The following CSMD1 variants were observed in gnomAD, a reference collection of about 807,000 sequenced individuals.
CSMD1 encodes the protein CUB and Sushi multiple domains 1.
A neutral mutation model predicts 417.5 loss-of-function variants in CSMD1; 213 were observed. The observed-to-expected ratio is 0.51, with a 90% CI of 0.46 to 0.57. The LOEUF is 0.57. Among genes scored for constraint, CSMD1 ranks in the 20% least tolerant of loss-of-function variants. CSMD1 has a pLI of 0.00. For synonymous variants in CSMD1, 2,862 were observed against 1,736.8 expected (o/e 1.65, Z -16.11); for missense variants, 6,923 against 4,529.7 (o/e 1.53, Z -15.17).
chr8:3,569,680 A>C (rs557700492), intron 10 of CSMD1, among the ~76,000 whole-genome samples: 9 of 152,204 alleles, frequency 5.9e-5, no homozygotes, highest in Admixed American at 2.0e-4. Context: ...CACTTTCATC[A>C]ACGTGCACTT....
intron 5 of CSMD1, among the ~76,000 whole-genome samples, chr8:3,962,874 A>T (rs988501630): frequency 6.6e-6 from 1 of 152,204 alleles, no homozygotes; most frequent in Non-Finnish European, 1.5e-5. Context: ...TCAAGCTGTA[A>T]AACAACTGAA....
chr8:4,343,363 ACTGAATTTAATATTCTCTTGCTAAGAGAG>A (rs1407106781), intron 3 of CSMD1, among the ~76,000 whole-genome samples: 1 of 152,046 alleles, frequency 6.6e-6, no homozygotes, highest in Non-Finnish European at 1.5e-5. Flanking sequence ...GAACAGTGTG[ACTGAATTTAATATTCTCTTGCTAAGAGAG>A]CTGACCTTAA....
At chr8:4,567,750 C>G (rs1244603813) in intron 2 of CSMD1, among the ~76,000 whole-genome samples, 1 of 151,926 alleles carries the variant, frequency 6.6e-6, no homozygotes, top group Non-Finnish European at 1.5e-5. Flanking sequence ...CTACATTGCA[C>G]TTATATTAAA....
intron 1 of CSMD1, among the ~76,000 whole-genome samples, chr8:4,802,400 C>T (rs28469770): frequency 0.067 from 10,120 of 151,706 alleles, 556 homozygotes; most frequent in East Asian, 0.23. Flanking sequence ...GAAGCATCCC[C>T]GTGGTTAACT....
intron 5 of CSMD1, among the ~76,000 whole-genome samples, chr8:3,835,792 G>A (rs966194558): frequency 6.6e-6 from 1 of 151,380 alleles, no homozygotes; most frequent in Admixed American, 6.6e-5. Flanking sequence ...GGGTGATTGT[G>A]TGAGTTCCTA....
In CSMD1 at chr8:3,242,088, G is replaced by A. The variant is rs193106560; in HGVS notation, c.4154-11857C>T. 9.2e-3 allele frequency among the ~76,000 whole-genome samples: 1,326 copies of A among 143,440 alleles called. 11 individuals are homozygous for A. The highest frequency in any genetic ancestry group is 0.017 in the Middle Eastern group (5 of 286). 94.1% of individuals were successfully genotyped at this position (143,440 alleles called of 152,430 possible). ...AAAGAGCCTAAACACTATCTGATTT[G>A]GGATAAAGAAAAAGGAGCATTAACC... On this transcript the variant is annotated intron_variant, in intron 26 of 69. Transcript: ENST00000635120.
intron 5 of CSMD1, among the ~76,000 whole-genome samples, chr8:3,930,960 C>A (rs1258498590): frequency 6.6e-6 from 1 of 150,544 alleles, no homozygotes; most frequent in East Asian, 1.9e-4. Flanking sequence ...TAAAATACAT[C>A]AGCAAAAACG....
chr8:3,949,927 C>T (rs183316031), intron 5 of CSMD1: 27 of 455,884 alleles, frequency 5.9e-5, no homozygotes, highest in Non-Finnish European at 1.0e-4. Context: ...TGAGGCAGGA[C>T]GTGAAAACAC....
chr8:4,134,352 C>T (rs969061451), intron 3 of CSMD1, among the ~76,000 whole-genome samples: 3 of 152,178 alleles, frequency 2.0e-5, no homozygotes, highest in Admixed American at 6.5e-5. Flanking sequence ...TCATCCATGA[C>T]GATTTTTATT....
chr8:4,040,688 G>A (rs1797842411), intron 3 of CSMD1, among the ~76,000 whole-genome samples: 2 of 152,212 alleles, frequency 1.3e-5, no homozygotes, highest in Non-Finnish European at 2.9e-5. Flanking sequence ...AAGCTCTCGA[G>A]GCAAATTCAT....
chr8:4,866,927 C>A lies in CSMD1; in HGVS notation c.85+127405G>T, dbSNP rs992757404. 6.6e-4 allele frequency among the ~76,000 whole-genome samples: 101 copies of A among 151,946 alleles called. 1 individual carries two copies. The highest frequency in any genetic ancestry group is 2.3e-3 in the African/African-American group (97 of 41,422). ...TTTGCCATTATTTTAATGGCAAAAACCACAATTACTTTTGCACCAACCTAT... is the reference window on the plus strand; with the variant it reads ...TTTGCCATTATTTTAATGGCAAAAAACACAATTACTTTTGCACCAACCTAT... On this transcript the variant is annotated intron_variant, in intron 1 of 69. Coordinates refer to ENST00000635120, the MANE Select transcript of CSMD1 (RefSeq NM_033225.6).
In CSMD1 at chr8:4,464,009, C is replaced by G. The variant is rs535583965; in HGVS notation, c.303-43944G>C. ...CTATAAGTCTCATTTCCTGTTATAT[C>G]ACATGACACCTATATTAATTCAGTT... On this transcript the variant is annotated intron_variant, in intron 2 of 69. Coordinates refer to ENST00000635120, the MANE Select transcript of CSMD1 (RefSeq NM_033225.6). Among the ~76,000 whole-genome samples, 4 of 152,106 alleles carry G rather than the reference C, an allele frequency of 2.6e-5. No homozygotes were observed. In the South Asian group the frequency reaches 8.3e-4, roughly 32 times the overall value.
At chr8:4,535,218 T>TA (rs1272321995) in intron 2 of CSMD1, among the ~76,000 whole-genome samples, 24 of 152,182 alleles carry the variant, frequency 1.6e-4, no homozygotes, top group African/African-American at 5.8e-4. Context: ...AATAACATAG[T>TA]CAATAACTAC....
intron 26 of CSMD1, among the ~76,000 whole-genome samples, chr8:3,272,077 G>A (rs1222861743): frequency 1.3e-5 from 2 of 148,854 alleles, no homozygotes; most frequent in African/African-American, 2.5e-5. Flanking sequence ...TAATGTTTAA[G>A]TCTTTAATCC....
chr8:4,005,133 G>C (rs1157902100), intron 4 of CSMD1, among the ~76,000 whole-genome samples: 1 of 152,086 alleles, frequency 6.6e-6, no homozygotes. Flanking sequence ...TTGGAGATTT[G>C]GGGGGAAGAG....
chr8:3,404,257 T>A (rs1386987593), intron 15 of CSMD1, among the ~76,000 whole-genome samples: 1 of 151,282 alleles, frequency 6.6e-6, no homozygotes, highest in Non-Finnish European at 1.5e-5. Flanking sequence ...ACTGCTTGAA[T>A]CTGGGAGGCG....
At chr8:4,882,180 C>G (rs371508577) in intron 1 of CSMD1, among the ~76,000 whole-genome samples, 1 of 152,052 alleles carries the variant, frequency 6.6e-6, no homozygotes, top group Admixed American at 6.6e-5. Context: ...CTCCTTGGCA[C>G]TAGACGGTGG....
chr8:4,434,060 G>A (rs1235047000), intron 2 of CSMD1, among the ~76,000 whole-genome samples: 3 of 152,126 alleles, frequency 2.0e-5, no homozygotes, highest in African/African-American at 7.2e-5. Flanking sequence ...TCTAGGGGCT[G>A]GACATTGGGA....
chr8:4,320,910 A>G (rs1333730141), intron 3 of CSMD1, among the ~76,000 whole-genome samples: 3 of 152,136 alleles, frequency 2.0e-5, no homozygotes, highest in South Asian at 2.1e-4. Context: ...CACTTATAGT[A>G]TCTTCTTCTT....
Sources: allele counts gnomAD v4.1 joint callset (sites outside exome capture counted in the v4.1 genomes callset), GRCh38; gene constraint gnomAD v4.1.1; transcripts MANE v1.5; gene names NCBI Gene and HGNC (gene_info 2026-07-23, HGNC 2026-07-21).